The following SMCO4 variants were observed in gnomAD, a reference collection of about 807,000 sequenced individuals.
SMCO4 encodes the protein single-pass membrane protein with coiled-coil domains 4, also known as single-pass membrane and coiled-coil domain-containing protein 4.
A neutral mutation model predicts 3.6 loss-of-function variants in SMCO4; 4 were observed. That is an observed-to-expected ratio of 1.11 (90% CI 0.54 to 2.53). The LOEUF is 2.53. SMCO4 is among the 30% of genes most tolerant of loss of function. The pLI is 0.02. For missense variants in SMCO4, 70 were observed against 80.8 expected (o/e 0.87, Z 0.51); for synonymous variants, 36 against 35.3 (o/e 1.02, Z -0.07).
chr11:93,514,421 T>TATATATAA lies in SMCO4; in HGVS notation c.-153-15074_-153-15073insTTATATAT, dbSNP rs1271205813. ...ATATATATATATATATATATATATATAAAATTTGGTCTCTTCCAAAGATCA... is the reference window on the plus strand; with the variant it reads ...ATATATATATATATATATATATATATATATATAAAAAATTTGGTCTCTTCCAAAGATCA... On this transcript the variant is annotated intron_variant, in intron 1 of 2. Coordinates refer to ENST00000298966, the MANE Select transcript of SMCO4 (RefSeq NM_020179.3). 9.7e-4 allele frequency among the ~76,000 whole-genome samples: 52 copies of TATATATAA among 53,416 alleles called. 2 individuals are homozygous for TATATATAA. The highest frequency in any genetic ancestry group is 3.6e-3 in the African/African-American group (50 of 13,938). 35.0% of individuals were successfully genotyped at this position (53,416 alleles called of 152,430 possible). A position where few individuals can be genotyped will look rare whatever the true frequency, so the allele number is the denominator to read the frequency against.
chr11:93,481,797 G>T (rs982655997), intron 2 of SMCO4, among the ~76,000 whole-genome samples: 1 of 152,226 alleles, frequency 6.6e-6, no homozygotes, highest in African/African-American at 2.4e-5. Flanking sequence ...ATTTCCTTGT[G>T]GAGCTAATGG....
chr11:93,535,770 C>A (rs917090228), intron 1 of SMCO4: 5 of 1,601,858 alleles, frequency 3.1e-6, no homozygotes, highest in Non-Finnish European at 4.2e-6. Flanking sequence ...ACAAAAAGAA[C>A]AAAACTAAGA....
intron 1 of SMCO4, chr11:93,535,877 T>C: frequency 6.2e-7 from 1 of 1,606,040 alleles, no homozygotes; most frequent in South Asian, 1.1e-5. Flanking sequence ...TTTTTTCCTT[T>C]TGGCCACATA....
chr11:93,509,493 TTA>T (rs1411023988), intron 1 of SMCO4, among the ~76,000 whole-genome samples: 2 of 152,118 alleles, frequency 1.3e-5, no homozygotes, highest in Non-Finnish European at 2.9e-5. Flanking sequence ...AAAGAAGTCA[TTA>T]TATGAGAAAG....
intron 1 of SMCO4, among the ~76,000 whole-genome samples, chr11:93,539,431 T>C (rs1442241030): frequency 6.6e-6 from 1 of 152,184 alleles, no homozygotes; most frequent in Non-Finnish European, 1.5e-5. Context: ...AAGAAATGCT[T>C]TTAAAATATA....
the SMCO4 span, among the ~76,000 whole-genome samples, chr11:93,550,302 TG>T: frequency 6.6e-6 from 1 of 152,124 alleles, no homozygotes; most frequent in Non-Finnish European, 1.5e-5. Flanking sequence ...TTCAGAATTT[TG>T]GGGGGTTTTG....
intron 1 of SMCO4, among the ~76,000 whole-genome samples, chr11:93,520,166 T>C (rs972603366): frequency 2.0e-5 from 3 of 152,136 alleles, no homozygotes; most frequent in Non-Finnish European, 2.9e-5. Flanking sequence ...TCTGGACAAC[T>C]CCCTTGTTTT....
rs533464251 is a variant in SMCO4 at position 93,535,870 on chromosome 11, T to C, written c.-154+7406A>G. ...CCAATTAACCACTGAATTGCTATTT[T>C]TTCCTTTTGGCCACATAGCTAGGTT... is the stretch of plus-strand genomic sequence containing the variant. On this transcript the variant is annotated intron_variant, in intron 1 of 2. Coordinates refer to ENST00000298966, the MANE Select transcript of SMCO4 (RefSeq NM_020179.3). 4.4e-5 allele frequency: 71 copies of C among 1,607,500 alleles called. No individual in the cohort carries two copies. In the East Asian group the frequency reaches 1.5e-3, roughly 34 times the overall value.
At chr11:93,544,073 A>G (rs933246643), upstream of SMCO4, among the ~76,000 whole-genome samples, 1 of 152,206 alleles carries the variant, frequency 6.6e-6, no homozygotes, top group Non-Finnish European at 1.5e-5. Context: ...TAGGTTTGAG[A>G]TCTACCTCTT....
At chr11:93,535,173 A>G (rs1231888760) in intron 1 of SMCO4, among the ~76,000 whole-genome samples, 2 of 152,206 alleles carry the variant, frequency 1.3e-5, no homozygotes, top group African/African-American at 4.8e-5. Flanking sequence ...ATACTCTGGC[A>G]AGTTACACCA....
chr11:93,518,120 C>G (rs1949024836), intron 1 of SMCO4, among the ~76,000 whole-genome samples: 1 of 152,292 alleles, frequency 6.6e-6, no homozygotes, highest in South Asian at 2.1e-4. Flanking sequence ...TCCCTCCAGC[C>G]CCTGGAAACC....
chr11:93,489,602 A>G (rs1948691148), intron 2 of SMCO4, among the ~76,000 whole-genome samples: 2 of 152,202 alleles, frequency 1.3e-5, no homozygotes, highest in Non-Finnish European at 2.9e-5. Flanking sequence ...GTTCAATTTA[A>G]CCAGGGATGG....
At chr11:93,532,928 G>A (rs1312891863) in intron 1 of SMCO4, among the ~76,000 whole-genome samples, 3 of 152,116 alleles carry the variant, frequency 2.0e-5, no homozygotes, top group Non-Finnish European at 4.4e-5. Flanking sequence ...ATGAGAACAG[G>A]ATTTTGGCTC....
At chr11:93,519,197 T>A (rs1949035564) in intron 1 of SMCO4, among the ~76,000 whole-genome samples, 1 of 152,168 alleles carries the variant, frequency 6.6e-6, no homozygotes, top group African/African-American at 2.4e-5. Flanking sequence ...TAGTCAGTAA[T>A]GATCTTAACC....
rs150033035 is a variant in SMCO4, at chr11:93,494,059, G to C, written c.-81+5217C>G. ...TTCTCTGCCTTCACCTTACTGCTTT[G>C]TCAAGCCTTAAGTAATGCAAACACT... On this transcript the variant is annotated intron_variant, in intron 2 of 2. Coordinates refer to ENST00000298966, the MANE Select transcript of SMCO4 (RefSeq NM_020179.3). 7.7e-3 allele frequency among the ~76,000 whole-genome samples: 1,176 copies of C among 152,180 alleles called. 15 individuals are homozygous for C. Among genetic ancestry groups the C allele is most frequent in the African/African-American group, 0.027 (1,130 of 41,520 alleles).
At position 93,479,456 on chromosome 11, in the gene SMCO4, G is replaced by C. The variant is rs538930560; in HGVS notation, c.-80-187C>G. On this transcript the variant is annotated intron_variant, in intron 2 of 2. Coordinates refer to ENST00000298966, the MANE Select transcript of SMCO4 (RefSeq NM_020179.3). ...TCTAAGTAGTGGGCACTGGGTCACC[G>C]GTGTGCTGTGAGAGGGGCCTCCGCT... 2.8e-3 allele frequency among the ~76,000 whole-genome samples: 431 copies of C among 152,318 alleles called. 2 individuals carry two copies. Among genetic ancestry groups the C allele is most frequent in the African/African-American group, 9.8e-3 (407 of 41,568 alleles).
chr11:93,489,086 G>C (rs904694360), intron 2 of SMCO4, among the ~76,000 whole-genome samples: 2 of 152,136 alleles, frequency 1.3e-5, no homozygotes, highest in Non-Finnish European at 2.9e-5. Flanking sequence ...AAGGCAGTGA[G>C]AGCAACTCTT....
intron 1 of SMCO4, among the ~76,000 whole-genome samples, chr11:93,500,153 T>A (rs930398955): frequency 6.6e-6 from 1 of 152,252 alleles, no homozygotes; most frequent in African/African-American, 2.4e-5. Context: ...GTGCTTTTTG[T>A]TTTGTTTCAA....
intron 1 of SMCO4, among the ~76,000 whole-genome samples, chr11:93,515,047 C>T (rs1016514356): frequency 6.6e-5 from 10 of 152,108 alleles, no homozygotes; most frequent in Admixed American, 2.0e-4. Context: ...CACAGAAACA[C>T]GAAGAAAAGC....
Sources: allele counts gnomAD v4.1 joint callset (sites outside exome capture counted in the v4.1 genomes callset), GRCh38; gene constraint gnomAD v4.1.1; transcripts MANE v1.5; gene names NCBI Gene and HGNC (gene_info 2026-07-23, HGNC 2026-07-21).